The following GPC6 variants were observed in gnomAD, a reference collection of about 807,000 sequenced individuals.
GPC6 encodes the protein glypican-6.
GPC6 carries 14 observed loss-of-function variants against 55.2 expected under a neutral mutation model. The ratio of observed to expected loss-of-function variants is 0.25; its 90% CI spans 0.17 to 0.40. The LOEUF (loss-of-function observed/expected upper bound fraction) is 0.40. Among genes scored for constraint, GPC6 ranks in the 10% least tolerant of loss-of-function variants. The probability of loss-of-function intolerance (pLI) is 1.00; values close to 1 mark genes in which losing one functional copy is unlikely to be tolerated. For missense variants in GPC6, 641 were observed against 708.5 expected, an observed-to-expected ratio of 0.90 and a Z score of 1.08; for synonymous variants, 278 against 259.6, an observed-to-expected ratio of 1.07 and a Z score of -0.68.
intron 4 of GPC6, among the ~76,000 whole-genome samples, chr13:94,058,949 A>ATCCATGATG (rs1884227570): frequency 1.3e-5 from 2 of 152,052 alleles, no homozygotes; most frequent in Non-Finnish European, 2.9e-5. Flanking sequence ...TATTATCCAA[A>ATCCATGATG]GTTTATGTTC....
At chr13:93,733,171 T>A (rs1883888414) in intron 2 of GPC6, among the ~76,000 whole-genome samples, 1 of 152,114 alleles carries the variant, frequency 6.6e-6, no homozygotes. Flanking sequence ...AATTTATCCT[T>A]CTACACTCAT....
chr13:93,650,230 C>T (rs1430983110), intron 2 of GPC6, among the ~76,000 whole-genome samples: 1 of 151,778 alleles, frequency 6.6e-6, no homozygotes, highest in Non-Finnish European at 1.5e-5. Flanking sequence ...TTTAATTTTC[C>T]CAAGTACATT....
intron 2 of GPC6, among the ~76,000 whole-genome samples, chr13:93,793,635 G>A (rs2138926024): frequency 6.6e-6 from 1 of 152,208 alleles, no homozygotes; most frequent in South Asian, 2.1e-4. Context: ...TAATAATTAT[G>A]AGCATAGAAC....
At chr13:94,244,812 T>G (rs1891150947) in intron 4 of GPC6, among the ~76,000 whole-genome samples, 1 of 152,080 alleles carries the variant, frequency 6.6e-6, no homozygotes, top group Non-Finnish European at 1.5e-5. Context: ...GTAGGGAATG[T>G]GGGAAATACA....
chr13:93,220,895 TTA>T, the GPC6 span, among the ~76,000 whole-genome samples: 1 of 152,104 alleles, frequency 6.6e-6, no homozygotes, highest in Non-Finnish European at 1.5e-5. Context: ...TTATTTAATT[TTA>T]GTTTTTGTGA....
At chr13:94,115,425 A>G (rs1418531225) in intron 4 of GPC6, among the ~76,000 whole-genome samples, 1 of 152,128 alleles carries the variant, frequency 6.6e-6, no homozygotes, top group Non-Finnish European at 1.5e-5. Context: ...TTTTTAAGCA[A>G]GGGGAAATAA....
chr13:93,397,134 A>G (rs1398974856), intron 1 of GPC6, among the ~76,000 whole-genome samples: 1 of 152,184 alleles, frequency 6.6e-6, no homozygotes, highest in Non-Finnish European at 1.5e-5. Flanking sequence ...GAATTACTGG[A>G]TCAAATTATA....
rs1879459652 is a variant in GPC6, at chr13:94,369,811, G to GT, written c.1153-12603_1153-12602insT. On this transcript the variant is annotated intron_variant, in intron 6 of 8. Transcript: ENST00000377047. ...GTTTTGGTGTTTTTTTGTTTTTTGG[G>GT]GTTTTTTTTCCCTAAAAGCCTGAAT... 4.0e-5 allele frequency among the ~76,000 whole-genome samples: 6 copies of GT among 151,838 alleles called. No individual in the cohort carries two copies. In the South Asian group the frequency reaches 8.4e-4, roughly 21 times the overall value.
intron 1 of GPC6, among the ~76,000 whole-genome samples, chr13:93,495,282 C>T (rs1449768364): frequency 1.3e-5 from 2 of 150,602 alleles, no homozygotes; most frequent in African/African-American, 4.9e-5. Flanking sequence ...TTTCATCTTC[C>T]ATTGTTGATA....
intron 4 of GPC6, among the ~76,000 whole-genome samples, chr13:94,030,546 A>G (rs778496631): frequency 3.3e-5 from 5 of 152,178 alleles, no homozygotes; most frequent in Non-Finnish European, 5.9e-5. Flanking sequence ...ACAGTGTTAC[A>G]GTGTTCATAA....
chr13:94,279,276 G>T (rs1440219680), intron 4 of GPC6, among the ~76,000 whole-genome samples: 1 of 151,786 alleles, frequency 6.6e-6, no homozygotes, highest in African/African-American at 2.4e-5. Flanking sequence ...TGGGGTCAGT[G>T]GTGATATCCC....
intron 2 of GPC6, among the ~76,000 whole-genome samples, chr13:93,675,261 A>G (rs1348739196): frequency 6.6e-6 from 1 of 151,934 alleles, no homozygotes; most frequent in African/African-American, 2.4e-5. Context: ...TTTAATTATG[A>G]TGATGATGTT....
chr13:94,397,134 A>G (rs9524479), intron 7 of GPC6, among the ~76,000 whole-genome samples: 50 of 152,266 alleles, frequency 3.3e-4, no homozygotes, highest in African/African-American at 1.2e-3. Flanking sequence ...CTAATCATAC[A>G]GCATGTGCAG....
chr13:93,922,065 C>T (rs754486161), intron 3 of GPC6, among the ~76,000 whole-genome samples: 1 of 151,968 alleles, frequency 6.6e-6, no homozygotes, highest in Non-Finnish European at 1.5e-5. Context: ...TATTGAATCA[C>T]ATCAGAGGGA....
At chr13:93,970,939 T>G (rs1880257562) in intron 3 of GPC6, among the ~76,000 whole-genome samples, 2 of 152,236 alleles carry the variant, frequency 1.3e-5, no homozygotes, top group South Asian at 4.1e-4. Context: ...CTACAAGGAC[T>G]TGCATTTTGA....
chr13:93,648,764 C>T (rs1880284537), intron 2 of GPC6, among the ~76,000 whole-genome samples: 1 of 152,082 alleles, frequency 6.6e-6, no homozygotes, highest in South Asian at 2.1e-4. Flanking sequence ...GATAATATAG[C>T]TATACCCCAA....
intron 1 of GPC6, among the ~76,000 whole-genome samples, chr13:93,428,303 C>T (rs1448890806): frequency 1.3e-5 from 2 of 152,118 alleles, no homozygotes; most frequent in Non-Finnish European, 2.9e-5. Context: ...GATGGTCTTG[C>T]TTGTTTCACA....
chr13:94,222,246 T>C (rs1890406526), intron 4 of GPC6, among the ~76,000 whole-genome samples: 1 of 152,114 alleles, frequency 6.6e-6, no homozygotes. Context: ...AAAAGATTGT[T>C]CATAAATGTT....
At chr13:93,249,788 AGTT>A (rs1168894727) in intron 1 of GPC6, among the ~76,000 whole-genome samples, 1 of 152,162 alleles carries the variant, frequency 6.6e-6, no homozygotes, top group East Asian at 1.9e-4. Flanking sequence ...ACCTTTGGGA[AGTT>A]GTGAGCTGCC....
Sources: gnomAD v4.1 joint callset for allele counts (sites outside exome capture counted in the v4.1 genomes callset) on GRCh38, gnomAD v4.1.1 for gene constraint, MANE v1.5 for transcripts, NCBI Gene and HGNC (gene_info 2026-07-23, HGNC 2026-07-21) for gene names.